OR2L13: variants seen among roughly 807,000 people sequenced by gnomAD.
OR2L13 encodes olfactory receptor family 2 subfamily L member 13.
Under a neutral mutation model 15.3 loss-of-function variants are expected in OR2L13, and 14 were observed. The observed-to-expected ratio is 0.91, with a 90% confidence interval of 0.60 to 1.43. The LOEUF (loss-of-function observed/expected upper bound fraction) is 1.43. Ranked by LOEUF, OR2L13 falls within the 40% of genes most tolerant of loss-of-function variation. OR2L13 has a pLI of 0.00. For missense variants in OR2L13, 367 were observed against 387.9 expected (o/e 0.95, Z 0.45); for synonymous variants, 152 against 142.9 (o/e 1.06, Z -0.45).
At chr1:248,018,099 G>A in the OR2L13 span, among the ~76,000 whole-genome samples, 1 of 148,020 alleles carries the variant, frequency 6.8e-6, no homozygotes, top group Non-Finnish European at 1.5e-5. Context: ...AGCTTGCAGT[G>A]AGCCGAGATC....
the OR2L13 span, among the ~76,000 whole-genome samples, chr1:248,037,679 C>T: frequency 6.6e-6 from 1 of 152,154 alleles, no homozygotes; most frequent in African/African-American, 2.4e-5. Context: ...CACAGCCTTA[C>T]TAAACTAAGG....
chr1:248,087,744 T>C, the OR2L13 span, among the ~76,000 whole-genome samples: 1 of 152,106 alleles, frequency 6.6e-6, no homozygotes, highest in Admixed American at 6.6e-5. Context: ...TAAGGGTAAA[T>C]GAATGTAATG....
the OR2L13 span, among the ~76,000 whole-genome samples, chr1:247,993,556 A>T: frequency 1.3e-5 from 2 of 152,060 alleles, no homozygotes; most frequent in Non-Finnish European, 2.9e-5. Flanking sequence ...AACCAGGAGT[A>T]CCATGCCCCT....
At chr1:248,022,045 T>C in the OR2L13 span, 2 of 1,613,992 alleles carry the variant, frequency 1.2e-6, no homozygotes, top group Admixed American at 3.3e-5. Context: ...TTTGTTCTCA[T>C]TTTCCTAATG....
chr1:247,956,821 C>T, the OR2L13 span, among the ~76,000 whole-genome samples: 10 of 152,216 alleles, frequency 6.6e-5, no homozygotes, highest in East Asian at 9.7e-4. Context: ...CTGAAGTTGC[C>T]TATCAGCTTA....
the OR2L13 span, among the ~76,000 whole-genome samples, chr1:248,078,920 C>A: frequency 6.6e-6 from 1 of 151,988 alleles, no homozygotes; most frequent in Non-Finnish European, 1.5e-5. Flanking sequence ...TGTATCTATG[C>A]GATGAAATTA....
the OR2L13 span, among the ~76,000 whole-genome samples, chr1:247,943,053 G>A: frequency 1.6e-4 from 25 of 152,238 alleles, no homozygotes; most frequent in Admixed American, 7.2e-4. Flanking sequence ...GCGTCAAAAT[G>A]TCTTCTCTTT....
the OR2L13 span, among the ~76,000 whole-genome samples, chr1:247,981,713 G>C: frequency 6.6e-6 from 1 of 151,260 alleles, no homozygotes; most frequent in East Asian, 1.9e-4. Context: ...TTGATGTTGA[G>C]GGCACTGATA....
At chr1:247,941,832 T>A in the OR2L13 span, among the ~76,000 whole-genome samples, 2 of 152,162 alleles carry the variant, frequency 1.3e-5, no homozygotes, top group African/African-American at 4.8e-5. Flanking sequence ...TGTCTCTTAT[T>A]CTCTTCGGCA....
At chr1:248,041,157 A>C in the OR2L13 span, 1 of 152,228 alleles carries the variant, frequency 6.6e-6, no homozygotes, top group Non-Finnish European at 1.5e-5. Context: ...GTACCAAAAC[A>C]GAAATATAGA....
At chr1:247,982,550 AATT>A in the OR2L13 span, among the ~76,000 whole-genome samples, 17 of 152,344 alleles carry the variant, frequency 1.1e-4, 1 homozygote, top group South Asian at 2.1e-3. Context: ...GGAGAATTTT[AATT>A]ATTATGCTGA....
chr1:248,005,925 C>T, the OR2L13 span, among the ~76,000 whole-genome samples: 3 of 152,116 alleles, frequency 2.0e-5, no homozygotes, highest in Admixed American at 1.3e-4. Flanking sequence ...TTGCAATGAG[C>T]AGCGTATATT....
chr1:248,010,754 TTTG>T, the OR2L13 span, among the ~76,000 whole-genome samples: 39 of 133,764 alleles, frequency 2.9e-4, 1 homozygote, highest in East Asian at 2.5e-3. Flanking sequence ...CAAATACTGC[TTTG>T]TTGTTGTTTT....
the OR2L13 span, among the ~76,000 whole-genome samples, chr1:248,071,477 C>G: frequency 3.3e-5 from 5 of 152,148 alleles, no homozygotes; most frequent in East Asian, 1.9e-4. Flanking sequence ...GGACATATCT[C>G]AAAATAATAA....
At chr1:247,940,045 A>G in the OR2L13 span, among the ~76,000 whole-genome samples, 1 of 152,220 alleles carries the variant, frequency 6.6e-6, no homozygotes, top group Non-Finnish European at 1.5e-5. Flanking sequence ...TCAAAAATCT[A>G]CAACTCCACT....
At chr1:248,067,440 G>T in the OR2L13 span, among the ~76,000 whole-genome samples, 1 of 152,122 alleles carries the variant, frequency 6.6e-6, no homozygotes, top group African/African-American at 2.4e-5. Context: ...AAAATATTTG[G>T]TGTAATTATT....
chr1:248,033,421 T>C, the OR2L13 span, among the ~76,000 whole-genome samples: 5 of 152,078 alleles, frequency 3.3e-5, no homozygotes, highest in Non-Finnish European at 5.9e-5. Flanking sequence ...CTCTGTTTTC[T>C]ATTTCTTCTT....
At chr1:248,039,393 G>T in the OR2L13 span, 2 of 414,478 alleles carry the variant, frequency 4.8e-6, no homozygotes, top group African/African-American at 2.3e-5. Context: ...CATCTATTTT[G>T]ATTTTGTTTG....
At chr1:248,054,426 C>G in the OR2L13 span, among the ~76,000 whole-genome samples, 2 of 151,968 alleles carry the variant, frequency 1.3e-5, no homozygotes, top group South Asian at 2.1e-4. Flanking sequence ...TATGCAAGCT[C>G]TTTTTTGGTT....
Sources: allele counts gnomAD v4.1 joint callset (sites outside exome capture counted in the v4.1 genomes callset), GRCh38; gene constraint gnomAD v4.1.1; transcripts MANE v1.5; gene names NCBI Gene and HGNC (gene_info 2026-07-23, HGNC 2026-07-21).